The following ZNF708 variants were observed in gnomAD, a reference collection of about 807,000 sequenced individuals.
ZNF708 encodes zinc finger protein 708, also known as ZNF15, ZNF15L1.
A neutral mutation model predicts 47.0 loss-of-function variants in ZNF708; 44 were observed. The observed-to-expected ratio is 0.94, with a 90% CI of 0.74 to 1.20. The LOEUF (loss-of-function observed/expected upper bound fraction) is 1.20, where lower values mean the gene tolerates loss of function less well. Among genes scored for constraint, ZNF708 ranks in the 50% most tolerant of loss-of-function variants. The pLI, the probability that ZNF708 is intolerant of heterozygous loss-of-function variation, is 0.00. For missense variants in ZNF708, 557 were observed against 656.0 expected, an observed-to-expected ratio of 0.85 and a Z score of 1.65; for synonymous variants, 184 against 218.5, an observed-to-expected ratio of 0.84 and a Z score of 1.39.
intron 3 of ZNF708, among the ~76,000 whole-genome samples, chr19:21,305,178 T>C (rs773561025): frequency 1.3e-5 from 2 of 151,348 alleles, no homozygotes; most frequent in Admixed American, 6.6e-5. Flanking sequence ...GCCCAGCTAA[T>C]TTTTGTATTT....
Position 21,294,236 on chromosome 19 carries a change from T to C in ZNF708, c.730A>G (p.Ile244Val), listed in dbSNP as rs1471879456. The part of the protein sequence containing the change: ...NQSSTLTRHK[I>V]IHTGEKLYKC... ...TAGAGTTTCTCTCCAGTATGAATTA[T>C]CTTATGTCTAGTAAGAGTTGAGGAC... is the stretch of plus-strand genomic sequence containing the variant. Residue 244 changes from isoleucine (I) to valine (V), a missense_variant, in exon 4 of 4, where the codon ATA becomes GTA. By Grantham distance (29) the Ile-to-Val change is conservative. Coordinates refer to ENST00000356929, the MANE Select transcript of ZNF708 (RefSeq NM_021269.3). The C allele has an allele frequency of 6.2e-7, 1 of 1,612,726 alleles. No homozygotes were observed. Among genetic ancestry groups the C allele is most frequent in the Admixed American group, 1.7e-5 (1 of 59,996 alleles).
intron 1 of ZNF708, among the ~76,000 whole-genome samples, chr19:21,315,089 C>T (rs907465773): frequency 6.6e-6 from 1 of 152,174 alleles, no homozygotes; most frequent in Admixed American, 6.6e-5. Flanking sequence ...TAGTTGTGGT[C>T]ATGGCTCCGG....
rs1972773376 is a variant in ZNF708 at position 21,306,805 on chromosome 19, T to C, written c.226+2441A>G. On this transcript the variant is annotated intron_variant, in intron 3 of 3. Transcript: ENST00000356929. Reference sequence around the variant, plus strand: ...TAAAAATACAAAAATTAGCCGGGTGTGGTGGTGCACACCTGTAATCCCAGT... The same window carrying C: ...TAAAAATACAAAAATTAGCCGGGTGCGGTGGTGCACACCTGTAATCCCAGT... 6 of 151,858 alleles carry C rather than the reference T, an allele frequency of 4.0e-5. No homozygotes were observed. In the South Asian group the frequency reaches 1.2e-3, roughly 32 times the overall value. 9.4% of individuals were successfully genotyped at this position (151,858 alleles called of 1,614,324 possible). A position where few individuals can be genotyped will look rare whatever the true frequency, so the allele number is the denominator to read the frequency against.
chr19:21,328,840 G>A (rs1973313538), intron 1 of ZNF708, among the ~76,000 whole-genome samples: 7 of 152,250 alleles, frequency 4.6e-5, no homozygotes, highest in Admixed American at 4.6e-4. Context: ...AATAGGAACC[G>A]GGAACCCCAC....
intron 3 of ZNF708, among the ~76,000 whole-genome samples, chr19:21,295,347 A>G (rs1972508515): frequency 1.3e-5 from 2 of 152,236 alleles, no homozygotes; most frequent in South Asian, 4.1e-4. Flanking sequence ...AAAAGCCCAC[A>G]AAATTTCAGA....
In ZNF708 at chr19:21,329,299, G is replaced by A; in HGVS notation, c.-87C>T. The A allele has an allele frequency of 6.3e-7, 1 of 1,582,742 alleles. No individual in the cohort carries two copies. Among genetic ancestry groups the A allele is most frequent in the Non-Finnish European group, 8.7e-7 (1 of 1,155,506 alleles). On this transcript the variant is annotated 5_prime_UTR_variant, in exon 1 of 4. Transcript: ENST00000356929. Reference sequence around the variant, plus strand: ...AGAGCCACAGAGTCTGGGCCTCTAGGAGCAGAGGACAAACAGCAGTGAAGA... The same window carrying A: ...AGAGCCACAGAGTCTGGGCCTCTAGAAGCAGAGGACAAACAGCAGTGAAGA...
chr19:21,303,090 A>C (rs906993751), intron 3 of ZNF708, among the ~76,000 whole-genome samples: 3 of 152,292 alleles, frequency 2.0e-5, no homozygotes, highest in Admixed American at 6.5e-5. Flanking sequence ...TCTACAAAAA[A>C]AAATACAACA....
Position 21,309,333 on chromosome 19 carries a change from C to T in ZNF708, c.139G>A (p.Val47Met), listed in dbSNP as rs1310136746. The stretch of plus-strand genomic sequence containing the variant: ...CAGGTGATCAGGTCTAAATTAGACA[C>T]AGCAATACCTGTTTTATTAAAAATA... The part of the protein sequence containing the change: ...YRNLVFLGIA[V>M]SNLDLITCLE... The change falls in exon 3 of 4, where the codon GTG becomes ATG. Residue 47 changes from valine (V) to methionine (M), a missense_variant. Physicochemically the swap from Val to Met is conservative, Grantham distance 21. Transcript: ENST00000356929. The T allele has an allele frequency of 6.3e-7, 1 of 1,586,188 alleles. No individual in the cohort carries two copies. The highest frequency in any genetic ancestry group is 8.6e-7 in the Non-Finnish European group (1 of 1,168,452).
intron 1 of ZNF708, among the ~76,000 whole-genome samples, chr19:21,327,536 A>AG (rs1416151238): frequency 3.3e-5 from 5 of 150,878 alleles, no homozygotes; most frequent in African/African-American, 9.7e-5. Context: ...CCACCTCAAA[A>AG]AAAAAAAAAA....
Position 21,293,168 on chromosome 19 carries a change from C to A in ZNF708, c.*106G>T. 5 of 1,298,122 alleles carry A rather than the reference C, an allele frequency of 3.9e-6. No homozygotes were observed. The highest frequency in any genetic ancestry group is 5.4e-6 in the Non-Finnish European group (5 of 925,146). 80.4% of individuals were successfully genotyped at this position (1,298,122 alleles called of 1,614,324 possible). A position where few individuals can be genotyped will look rare whatever the true frequency, so the allele number is the denominator to read the frequency against. On this transcript the variant is annotated 3_prime_UTR_variant, in exon 4 of 4. Coordinates refer to ENST00000356929, the MANE Select transcript of ZNF708 (RefSeq NM_021269.3). Reference sequence around the variant, plus strand: ...TCTTTTGTTTCATAAGGATTAAGAGCCAGTTAAAGGCTTTGCCACATTTAT... The same window carrying A: ...TCTTTTGTTTCATAAGGATTAAGAGACAGTTAAAGGCTTTGCCACATTTAT...
chr19:21,294,505 T>C lies in ZNF708; in HGVS notation c.461A>G (p.Asn154Ser). Residue 154 changes from asparagine (N) to serine (S), a missense_variant, in exon 4 of 4, where the codon AAT becomes AGT. Coordinates refer to ENST00000356929, the MANE Select transcript of ZNF708 (RefSeq NM_021269.3). ...KYVKVFHKYS[N>S]AKRHKIRHTG... Reference sequence around the variant, plus strand: ...ATGTCTTATCTTATGTCTCTTTGCATTTGAATATTTATGAAAGACTTTCAC... The same window carrying C: ...ATGTCTTATCTTATGTCTCTTTGCACTTGAATATTTATGAAAGACTTTCAC... 1 of 1,614,180 alleles carries C rather than the reference T, an allele frequency of 6.2e-7. No homozygotes were observed. The highest frequency in any genetic ancestry group is 1.7e-5 in the Admixed American group (1 of 60,018).
Position 21,327,734 on chromosome 19 carries a change from C to T in ZNF708, c.3+1476G>A, listed in dbSNP as rs937656752. Among the ~76,000 whole-genome samples, 23 of 151,040 alleles carry T rather than the reference C, an allele frequency of 1.5e-4. No homozygotes were observed. In the South Asian group the frequency reaches 1.9e-3, roughly 12 times the overall value. On this transcript the variant is annotated intron_variant, in intron 1 of 3. Coordinates refer to ENST00000356929, the MANE Select transcript of ZNF708 (RefSeq NM_021269.3). ...GTCTTTTGGGATACTTTTTTTTTTC[C>T]ACAAAATTTAGAGAATTCAGGGGGC...
intron 1 of ZNF708, among the ~76,000 whole-genome samples, chr19:21,323,639 G>A (rs1973197260): frequency 6.6e-6 from 1 of 152,116 alleles, no homozygotes; most frequent in Non-Finnish European, 1.5e-5. Context: ...TATTTTCAAA[G>A]TCTATAAACT....
chr19:21,297,977 G>A (rs1490442933), intron 3 of ZNF708, among the ~76,000 whole-genome samples: 1 of 151,918 alleles, frequency 6.6e-6, no homozygotes, highest in Admixed American at 6.6e-5. Flanking sequence ...GTGTGTGTGT[G>A]TGTGTGTGTG....
chr19:21,321,720 G>GAAGGAAGA (rs796881452), intron 1 of ZNF708, among the ~76,000 whole-genome samples: 1,907 of 143,580 alleles, frequency 0.013, 53 homozygotes, highest in African/African-American at 0.044. Flanking sequence ...AGGAAGGAAG[G>GAAGGAAGA]AAGAAAGAAA....
At chr19:21,311,631 G>A (rs1320626323) in intron 1 of ZNF708, among the ~76,000 whole-genome samples, 1 of 151,988 alleles carries the variant, frequency 6.6e-6, no homozygotes, top group African/African-American at 2.4e-5. Flanking sequence ...GCCTTTAAAG[G>A]TGTCAGCACC....
intron 3 of ZNF708, among the ~76,000 whole-genome samples, chr19:21,307,100 AAAAT>A (rs1972792495): frequency 7.0e-6 from 1 of 142,396 alleles, no homozygotes; most frequent in East Asian, 2.0e-4. Flanking sequence ...AATACAAAAT[AAAAT>A]AAAATAAAAT....
intron 3 of ZNF708, among the ~76,000 whole-genome samples, chr19:21,303,801 G>A (rs1448140853): frequency 6.6e-6 from 1 of 151,686 alleles, no homozygotes; most frequent in East Asian, 1.9e-4. Flanking sequence ...TCAAGTACTA[G>A]CATGAGAACA....
chr19:21,297,965 G>A lies in ZNF708; in HGVS notation c.227-3226C>T, dbSNP rs1348107445. Among the ~76,000 whole-genome samples, 9 of 31,588 alleles carry A rather than the reference G, an allele frequency of 2.8e-4. No individual in the cohort carries two copies. The East Asian group carries it at 0.011, about 39-fold the overall frequency. The allele number at this position is 31,588 out of a possible 152,430, so 20.7% of individuals were successfully genotyped here. On this transcript the variant is annotated intron_variant, in intron 3 of 3. Transcript: ENST00000356929. Reference sequence around the variant, plus strand: ...TTTACTGGGAACAAATGACTAGTGTGTGTGTGTGTGTGTGTGTGTGTGTGT... The same window carrying A: ...TTTACTGGGAACAAATGACTAGTGTATGTGTGTGTGTGTGTGTGTGTGTGT...
Sources: allele counts gnomAD v4.1 joint callset (sites outside exome capture counted in the v4.1 genomes callset), GRCh38; gene constraint gnomAD v4.1.1; transcripts MANE v1.5; gene names NCBI Gene and HGNC (gene_info 2026-07-23, HGNC 2026-07-21).